The following AXDND1 variants were observed in gnomAD, a reference collection of about 807,000 sequenced individuals.
The protein encoded by AXDND1 is axonemal dynein light chain domain-containing protein 1.
In AXDND1, 110 loss-of-function variants were observed where a neutral mutation model predicts 137.5. The observed-to-expected ratio is 0.80, with a 90% CI of 0.69 to 0.94. The LOEUF is 0.94. AXDND1 is among the 40% of genes least tolerant of loss of function. The probability of loss-of-function intolerance (pLI) is 0.00; values close to 1 mark genes in which losing one functional copy is unlikely to be tolerated. For synonymous variants in AXDND1, 414 were observed against 399.7 expected (o/e 1.04, Z -0.43); for missense variants, 1,191 against 1,169.8 (o/e 1.02, Z -0.26).
intron 3 of AXDND1, 130 bp downstream of exon 3, chr1:179,369,102 G>C: frequency 2.1e-6 from 2 of 962,262 alleles, no homozygotes; most frequent in East Asian, 5.3e-5. Context: ...ATTGAGACAG[G>C]GTCTTACTAC....
rs114037455 is a variant in AXDND1, at chr1:179,430,046, G to A, written c.1333-406G>A. 2.8e-3 allele frequency among the ~76,000 whole-genome samples: 419 copies of A among 151,134 alleles called. 4 individuals carry two copies. The highest frequency in any genetic ancestry group is 9.5e-3 in the African/African-American group (391 of 41,102). On this transcript the variant is annotated intron_variant, in intron 13 of 25. Coordinates refer to ENST00000367618, the MANE Select transcript of AXDND1 (RefSeq NM_144696.6). ...TTTAACTCTTAAGACAATTCTGTGA[G>A]ATAGATATTAGGGTCTTTATGGATA...
chr1:179,521,265 A>G (rs961440492), intron 21 of AXDND1, among the ~76,000 whole-genome samples: 2 of 151,928 alleles, frequency 1.3e-5, no homozygotes, highest in African/African-American at 2.4e-5. Context: ...TTTTAATTTT[A>G]TATGCTGTGA....
chr1:179,400,904 C>CAAAAAAAAAAA (rs151090012), intron 11 of AXDND1, among the ~76,000 whole-genome samples: 283 of 53,646 alleles, frequency 5.3e-3, no homozygotes, highest in Non-Finnish European at 5.5e-3. Flanking sequence ...GACTCTGTCT[C>CAAAAAAAAAAA]AAAAAAAAAA....
intron 9 of AXDND1, among the ~76,000 whole-genome samples, chr1:179,390,816 AT>A (rs894079974): frequency 2.0e-5 from 3 of 149,206 alleles, no homozygotes; most frequent in Admixed American, 6.7e-5. Flanking sequence ...TTATTTATTT[AT>A]TTTTTTGAGA....
At chr1:179,480,903 TTTTG>T (rs1157998698) in intron 17 of AXDND1, among the ~76,000 whole-genome samples, 12 of 144,152 alleles carry the variant, frequency 8.3e-5, no homozygotes, top group Non-Finnish European at 1.1e-4. Flanking sequence ...TTGTTTTCTT[TTTTG>T]TTTGTTTGTT....
At chr1:179,524,104 G>A (rs575374198) in intron 21 of AXDND1, among the ~76,000 whole-genome samples, 1 of 152,164 alleles carries the variant, frequency 6.6e-6, no homozygotes, top group African/African-American at 2.4e-5. Flanking sequence ...ATGGGCATTT[G>A]GGCTGGTTCC....
chr1:179,413,627 C>G (rs535216300), intron 12 of AXDND1, among the ~76,000 whole-genome samples: 2 of 152,298 alleles, frequency 1.3e-5, no homozygotes, highest in African/African-American at 2.4e-5. Flanking sequence ...ACCACATTTT[C>G]TTTACCCAAT....
intron 20 of AXDND1, among the ~76,000 whole-genome samples, chr1:179,496,334 C>T (rs1667446337): frequency 6.6e-6 from 1 of 151,930 alleles, no homozygotes; most frequent in Non-Finnish European, 1.5e-5. Flanking sequence ...AGCATCTGGG[C>T]ATTGTGGGAA....
At chr1:179,516,901 G>GT (rs1193521948) in intron 21 of AXDND1, among the ~76,000 whole-genome samples, 1 of 152,192 alleles carries the variant, frequency 6.6e-6, no homozygotes, top group African/African-American at 2.4e-5. Context: ...AGCTTTGGTG[G>GT]TTTAATGTTC....
At chr1:179,492,986 G>A in intron 20 of AXDND1, 35 bp downstream of exon 20, 1 of 1,442,794 alleles carries the variant, frequency 6.9e-7, no homozygotes, top group Non-Finnish European at 9.5e-7. Flanking sequence ...TTTTGTTTTT[G>A]TTTTGTTTGT....
Position 179,476,818 on chromosome 1 carries a change from T to C in AXDND1, c.1998-6310T>C, listed in dbSNP as rs535118771. Among the ~76,000 whole-genome samples, 8 of 152,344 alleles carry C rather than the reference T, an allele frequency of 5.3e-5. No individual in the cohort carries two copies. In the South Asian group the frequency reaches 8.3e-4, roughly 16 times the overall value. On this transcript the variant is annotated intron_variant, in intron 17 of 25. Coordinates refer to ENST00000367618, the MANE Select transcript of AXDND1 (RefSeq NM_144696.6). ...TTGACTTCTAGCATTTTGACTCTCATATATAAGTTTGTAGACCTCTTTGTA... is the reference window on the plus strand; with the variant it reads ...TTGACTTCTAGCATTTTGACTCTCACATATAAGTTTGTAGACCTCTTTGTA...
At chr1:179,442,654 C>A (rs1177225900) in intron 15 of AXDND1, among the ~76,000 whole-genome samples, 1 of 152,208 alleles carries the variant, frequency 6.6e-6, no homozygotes, top group Non-Finnish European at 1.5e-5. Context: ...CCCATTACTT[C>A]TTTAAAGCAC....
At chr1:179,540,024 G>A (rs2125724049) in intron 25 of AXDND1, among the ~76,000 whole-genome samples, 1 of 151,946 alleles carries the variant, frequency 6.6e-6, no homozygotes, top group East Asian at 1.9e-4. Flanking sequence ...TTCTCATGCT[G>A]TGTTTTTCAG....
chr1:179,454,790 T>C (rs1444617155), intron 16 of AXDND1: 2 of 151,950 alleles, frequency 1.3e-5, no homozygotes, highest in Non-Finnish European at 2.9e-5. Flanking sequence ...GGGAGAAAAA[T>C]CTTGGATGAA....
intron 23 of AXDND1, 31 bp downstream of exon 23, chr1:179,528,462 AAC>A: frequency 1.4e-6 from 2 of 1,435,772 alleles, no homozygotes; most frequent in Non-Finnish European, 2.0e-6. Context: ...TAGGGAATTC[AAC>A]ACTATTTAAC....
At chr1:179,448,207 C>T (rs1466657176) in intron 16 of AXDND1, 18 of 849,816 alleles carry the variant, frequency 2.1e-5, no homozygotes, top group Non-Finnish European at 2.9e-5. Context: ...TCAACAATAT[C>T]TGAGCTGGTT....
intron 16 of AXDND1, among the ~76,000 whole-genome samples, chr1:179,461,503 C>T: frequency 6.6e-6 from 1 of 152,082 alleles, no homozygotes; most frequent in Non-Finnish European, 1.5e-5. Flanking sequence ...CAGCTTTGTT[C>T]ATTTTGCTTA....
At chr1:179,551,073 C>G (rs750717673) in intron 25 of AXDND1, 7 of 1,476,700 alleles carry the variant, frequency 4.7e-6, no homozygotes, top group Non-Finnish European at 6.6e-6. Context: ...TTCCATATGG[C>G]AACCAAAGGA....
intron 9 of AXDND1, among the ~76,000 whole-genome samples, chr1:179,392,338 G>T (rs955159534): frequency 6.6e-6 from 1 of 152,096 alleles, no homozygotes; most frequent in Non-Finnish European, 1.5e-5. Context: ...GTATTCCATA[G>T]TGTGTATATA....
Sources: allele counts gnomAD v4.1 joint callset (sites outside exome capture counted in the v4.1 genomes callset), GRCh38; gene constraint gnomAD v4.1.1; transcripts MANE v1.5; gene names NCBI Gene and HGNC (gene_info 2026-07-23, HGNC 2026-07-21).